The following CUBN variants were observed in gnomAD, a reference collection of about 807,000 sequenced individuals.
CUBN encodes the protein 460 kDa receptor.
Under a neutral mutation model 405.3 loss-of-function variants are expected in CUBN, and 282 were observed. The ratio of observed to expected loss-of-function variants is 0.70; its 90% CI spans 0.63 to 0.77. The LOEUF (loss-of-function observed/expected upper bound fraction) is 0.77. Among genes scored for constraint, CUBN ranks in the 30% least tolerant of loss-of-function variants. The pLI is 0.00. For synonymous variants in CUBN, 1,684 were observed against 1,617.0 expected (o/e 1.04, Z -0.99); for missense variants, 4,514 against 4,475.2 (o/e 1.01, Z -0.25).
intron 5 of CUBN, 86 bp downstream of exon 5, chr10:17,123,502 A>G (rs940515170): frequency 1.6e-5 from 17 of 1,040,220 alleles, no homozygotes; most frequent in Non-Finnish European, 1.9e-5. Context: ...GAAACTTTAG[A>G]TGGAGAATTA....
At chr10:16,938,579 G>C (rs1002664575) in intron 38 of CUBN, among the ~76,000 whole-genome samples, 1 of 152,046 alleles carries the variant, frequency 6.6e-6, no homozygotes, top group Admixed American at 6.5e-5. Context: ...TGTCTGGATA[G>C]CAATGATCAC....
At position 16,904,060 on chromosome 10, in the gene CUBN, C is replaced by T. The variant is rs750157686; in HGVS notation, c.7968G>A (p.Leu2656=). 6 of 1,613,740 alleles carry T rather than the reference C, an allele frequency of 3.7e-6. No homozygotes were observed. The Admixed American group carries it at 5.0e-5, about 13-fold the overall frequency. Residue 2656 remains leucine, a synonymous_variant, in exon 51 of 67, where the codon TTG becomes TTA. Coordinates refer to ENST00000377833, the MANE Select transcript of CUBN (RefSeq NM_001081.4). ...CCTGAGAATAAGGTATAACCAATGGCAATGTAGGCTTTGAAGGACCACAAA... is the reference window on the plus strand; with the variant it reads ...CCTGAGAATAAGGTATAACCAATGGTAATGTAGGCTTTGAAGGACCACAAA... ...WRLCGPSKPT[L]PLVIPYSQVW... is the part of the protein sequence containing the mutation.
At chr10:16,944,673 T>A (rs1842732938) in intron 36 of CUBN, among the ~76,000 whole-genome samples, 1 of 152,148 alleles carries the variant, frequency 6.6e-6, no homozygotes, top group Non-Finnish European at 1.5e-5. Flanking sequence ...AGCAAGTAAC[T>A]CAGAGGAATC....
intron 27 of CUBN, among the ~76,000 whole-genome samples, chr10:17,028,828 A>C (rs1214894797): frequency 1.3e-5 from 2 of 152,314 alleles, no homozygotes; most frequent in East Asian, 3.9e-4. Context: ...GTAATGTTGC[A>C]ATTGGAAATC....
intron 27 of CUBN, among the ~76,000 whole-genome samples, chr10:17,035,682 CA>C (rs1484821293): frequency 2.0e-5 from 3 of 152,120 alleles, no homozygotes; most frequent in Non-Finnish European, 2.9e-5. Context: ...AGGTCCTTTG[CA>C]AGAATGTGAA....
rs1182758766 is a variant in CUBN, at chr10:17,043,855, T to A, written c.3801A>T (p.Gly1267=). ...GCCGGTATTCAGCCTTGAAGCCACG[T>A]CCTTGCTGACCTTCATCTGTCCTCA... The part of the protein sequence containing the change: ...IKLRTDEGQQ[G]RGFKAEYRQT... The change falls in exon 26 of 67, where the codon GGA becomes GGT. Residue 1267 remains glycine, a synonymous_variant. Coordinates refer to ENST00000377833, the MANE Select transcript of CUBN (RefSeq NM_001081.4). 2 of 1,613,530 alleles carry A rather than the reference T, an allele frequency of 1.2e-6. No individual in the cohort carries two copies. The highest frequency in any genetic ancestry group is 1.7e-6 in the Non-Finnish European group (2 of 1,179,634).
intron 60 of CUBN, among the ~76,000 whole-genome samples, chr10:16,849,901 A>G (rs992462334): frequency 1.3e-5 from 2 of 152,134 alleles, no homozygotes; most frequent in Non-Finnish European, 2.9e-5. Flanking sequence ...TCACCCGCAC[A>G]GAGTCTAAAG....
rs369012962 is a variant in CUBN at position 16,890,853 on chromosome 10, G to A, written c.8599-326C>T. Among the ~76,000 whole-genome samples, 23 of 152,206 alleles carry A rather than the reference G, an allele frequency of 1.5e-4. No homozygotes were observed. In the East Asian group the frequency reaches 4.5e-3, roughly 30 times the overall value. On this transcript the variant is annotated intron_variant, in intron 54 of 66. Transcript: ENST00000377833. ...GCCCTGACCTAGCCGAGCTTCCCGGGTGCTGAGGGAGACGGAGCAGCCAGG... is the reference window on the plus strand; with the variant it reads ...GCCCTGACCTAGCCGAGCTTCCCGGATGCTGAGGGAGACGGAGCAGCCAGG...
In CUBN at chr10:16,827,058, A is replaced by G. The variant is rs147223599; in HGVS notation, c.10764+1747T>C. On this transcript the variant is annotated intron_variant, in intron 66 of 66. Coordinates refer to ENST00000377833, the MANE Select transcript of CUBN (RefSeq NM_001081.4). ...GGCCTTCTGTGCATCCCCGTGATAC[A>G]GTGTCTGCTGGTCCTGTGATTACCA... is the stretch of plus-strand genomic sequence containing the variant. Among the ~76,000 whole-genome samples the G allele has an allele frequency of 9.3e-4, 142 of 152,270 alleles. 1 individual carries two copies. Among genetic ancestry groups the G allele is most frequent in the African/African-American group, 3.3e-3 (139 of 41,542 alleles).
chr10:16,892,730 C>G (rs1841071846), intron 54 of CUBN, among the ~76,000 whole-genome samples: 1 of 151,946 alleles, frequency 6.6e-6, no homozygotes, highest in Admixed American at 6.6e-5. Context: ...CTGGACTCAA[C>G]TGATCTGCCT....
At chr10:16,852,292 TATCTTTCCCTCCCTCC>T (rs1412595448) in intron 59 of CUBN, among the ~76,000 whole-genome samples, 2 of 123,924 alleles carry the variant, frequency 1.6e-5, no homozygotes, top group East Asian at 5.7e-4. Context: ...TTCCTCACTC[TATCTTTCCCTCCCTCC>T]ATCTTTCCAT....
intron 17 of CUBN, among the ~76,000 whole-genome samples, chr10:17,077,504 C>A (rs906081731): frequency 2.6e-5 from 4 of 152,172 alleles, no homozygotes; most frequent in African/African-American, 9.7e-5. Context: ...TGCTATGAAT[C>A]CAGATTTGGT....
Position 16,903,970 on chromosome 10 carries a change from A to G in CUBN, c.8058T>C (p.Phe2686=). 6.2e-7 allele frequency: 1 copy of G among 1,603,764 alleles called. No homozygotes were observed. The highest frequency in any genetic ancestry group is 8.5e-7 in the Non-Finnish European group (1 of 1,172,452). ...GATCTTAATTATAATTCTTACCTGT[A>G]AAGGAATACTTTGCATGGAATCCAA... ...EHIGFHAKYS[F]TDCGGIQIGD... Residue 2686 remains phenylalanine, a synonymous_variant, in exon 51 of 67, where the codon TTT becomes TTC. Transcript: ENST00000377833.
At chr10:17,126,605 T>C (rs1837197400) in intron 4 of CUBN, among the ~76,000 whole-genome samples, 156 bp downstream of exon 4, 1 of 152,206 alleles carries the variant, frequency 6.6e-6, no homozygotes, top group Admixed American at 6.5e-5. Context: ...ATCTGCATCC[T>C]GGGAAGCACA....
chr10:16,851,982 A>C (rs1454308274), intron 59 of CUBN, among the ~76,000 whole-genome samples: 25 of 32,352 alleles, frequency 7.7e-4, no homozygotes, highest in South Asian at 1.1e-3. Context: ...CCCTCCCTCT[A>C]TCTTTCCCTC....
chr10:17,068,371 T>A, intron 20 of CUBN, 91 bp from the exon 21 acceptor site: 1 of 1,350,140 alleles, frequency 7.4e-7, no homozygotes, highest in African/African-American at 1.5e-5. Flanking sequence ...TCTTCAAAGA[T>A]TAAAAGGAAA....
intron 59 of CUBN, among the ~76,000 whole-genome samples, chr10:16,862,162 A>T (rs866662975): frequency 2.4e-4 from 28 of 117,100 alleles, no homozygotes; most frequent in South Asian, 6.8e-4. Context: ...TCTCTCTCTC[A>T]CACACACACA....
chr10:17,103,289 G>T (rs962860312), intron 12 of CUBN, 52 bp from the exon 13 acceptor site: 1 of 1,127,046 alleles, frequency 8.9e-7, no homozygotes, highest in Non-Finnish European at 1.4e-6. Context: ...AAAGGAAGAG[G>T]TTGGGCAACT....
intron 6 of CUBN, among the ~76,000 whole-genome samples, chr10:17,116,134 T>G (rs1242168287): frequency 1.3e-5 from 2 of 152,226 alleles, no homozygotes; most frequent in South Asian, 2.1e-4. Context: ...AAAAGCGTAG[T>G]TATATAATAT....
Sources: allele counts gnomAD v4.1 joint callset (sites outside exome capture counted in the v4.1 genomes callset), GRCh38; gene constraint gnomAD v4.1.1; transcripts MANE v1.5; gene names NCBI Gene and HGNC (gene_info 2026-07-23, HGNC 2026-07-21).